MADD: variants seen among roughly 807,000 people sequenced by gnomAD.
The protein encoded by MADD is MAP kinase activating death domain.
A neutral mutation model predicts 176.7 loss-of-function variants in MADD; 109 were observed. That is an observed-to-expected ratio of 0.62 (90% CI 0.53 to 0.72). The LOEUF (loss-of-function observed/expected upper bound fraction) is 0.72. Ranked by LOEUF, MADD falls within the 30% of genes least tolerant of loss-of-function variation. The pLI is 0.00. For synonymous variants in MADD, 771 were observed against 771.3 expected, an observed-to-expected ratio of 1.00 and a Z score of 0.01; for missense variants, 1,914 against 2,045.5, an observed-to-expected ratio of 0.94 and a Z score of 1.24.
chr11:47,324,798 G>T, intron 30 of MADD: 2 of 686,290 alleles, frequency 2.9e-6, no homozygotes, highest in South Asian at 3.1e-5. Flanking sequence ...CGTGGGGGAG[G>T]CTGGGCAGGA....
chr11:47,282,501 C>G (rs572470240), exon 9 of MADD: 1 of 1,614,204 alleles, frequency 6.2e-7, no homozygotes, highest in Non-Finnish European at 8.5e-7. Flanking sequence ...CCTTTCTAGC[C>G]TCACGTCCCC....
exon 13 of MADD, chr11:47,285,103 G>A (rs979807873): frequency 1.4e-5 from 23 of 1,613,936 alleles, no homozygotes; most frequent in East Asian, 6.7e-5. Context: ...TCCATACTTC[G>A]AGCCCCAATA....
At chr11:47,327,152 G>A (rs1565595936) in intron 31 of MADD, 1 of 1,047,850 alleles carries the variant, frequency 9.5e-7, no homozygotes, top group Non-Finnish European at 1.2e-6. Flanking sequence ...GCTCCACTAT[G>A]TCCATGTCAC....
chr11:47,277,824 A>G (rs1378290402), intron 5 of MADD, among the ~76,000 whole-genome samples: 2 of 152,234 alleles, frequency 1.3e-5, no homozygotes, highest in Non-Finnish European at 2.9e-5. Context: ...GCTTCTCAGA[A>G]CTATTGTCCT....
At chr11:47,328,095 C>T in intron 31 of MADD, 2 of 996,160 alleles carry the variant, frequency 2.0e-6, no homozygotes, top group Non-Finnish European at 2.4e-6. Context: ...TCCTGCCACT[C>T]AGGGAAGGAC....
At chr11:47,311,891 G>T in intron 26 of MADD, 49 bp downstream of exon 29, 1 of 1,259,180 alleles carries the variant, frequency 7.9e-7, no homozygotes, top group East Asian at 2.3e-5. Context: ...TCATTTCTTG[G>T]TTTGTGTCAC....
intron 20 of MADD, 70 bp downstream of exon 22, chr11:47,294,053 A>G (rs1446972161): frequency 7.7e-7 from 1 of 1,302,652 alleles, no homozygotes; most frequent in African/African-American, 1.5e-5. Flanking sequence ...TTAAGTTAAA[A>G]TAGAACAGTC....
intron 25 of MADD, 44 bp from the exon 29 acceptor site, chr11:47,311,688 A>G: frequency 2.5e-6 from 3 of 1,189,720 alleles, no homozygotes; most frequent in Non-Finnish European, 3.8e-6. Context: ...CTCAGTCGGG[A>G]GGAGAGCAGA....
At chr11:47,282,616 A>G (rs1213694878) in exon 9 of MADD, 3 of 1,613,914 alleles carry the variant, frequency 1.9e-6, no homozygotes, top group Admixed American at 1.7e-5. Flanking sequence ...AATTCACAAC[A>G]GTGAGTCTAC....
At chr11:47,303,591 T>C (rs188572175) in intron 22 of MADD, among the ~76,000 whole-genome samples, 41 of 145,142 alleles carry the variant, frequency 2.8e-4, no homozygotes, top group African/African-American at 1.0e-3. Flanking sequence ...TTGACTGTAA[T>C]GTACCTTGGA....
chr11:47,289,238 A>G (rs549604902), intron 15 of MADD, among the ~76,000 whole-genome samples, 153 bp from the exon 17 acceptor site: 3 of 152,188 alleles, frequency 2.0e-5, no homozygotes, highest in African/African-American at 7.2e-5. Flanking sequence ...CCACATTGCC[A>G]TGGCTGGTTT....
At chr11:47,328,317 T>G (rs992498008) in intron 31 of MADD, 2 of 1,205,094 alleles carry the variant, frequency 1.7e-6, no homozygotes, top group Non-Finnish European at 2.1e-6. Flanking sequence ...CTGCAGCTCC[T>G]CAGGGGCCCT....
At chr11:47,292,681 A>C in intron 19 of MADD, 85 bp downstream of exon 21, 1 of 1,339,498 alleles carries the variant, frequency 7.5e-7, no homozygotes, top group Non-Finnish European at 1.1e-6. Flanking sequence ...TCCCTTTGTC[A>C]GCCCCACCCC....
exon 30 of MADD, chr11:47,324,542 C>T: frequency 6.2e-7 from 1 of 1,613,982 alleles, no homozygotes; most frequent in Non-Finnish European, 8.5e-7. Flanking sequence ...GCAGGTGACC[C>T]TGGAAGGGAT....
chr11:47,290,224 GC>G lies in MADD; in HGVS notation c.3022del (p.His1008ThrfsTer37). ...AGTCCTCAGCTTGGAGCAGTCCTAT[GC>G]CCACGCGGGTCTGGGTGGCATGGCC... On this transcript the variant is annotated frameshift_variant, in exon 18 of 33. Transcript: ENST00000402192. LOFTEE classifies it high-confidence loss of function. 1 of 1,614,144 alleles carries G rather than the reference GC, an allele frequency of 6.2e-7. No homozygotes were observed. The highest frequency in any genetic ancestry group is 8.5e-7 in the Non-Finnish European group (1 of 1,180,022).
intron 22 of MADD, among the ~76,000 whole-genome samples, chr11:47,297,785 CTTTCT>C (rs2074104139): frequency 8.6e-6 from 1 of 116,710 alleles, no homozygotes; most frequent in Admixed American, 8.7e-5. Flanking sequence ...TTCTTTCTTT[CTTTCT>C]TTTTTTTTTT....
chr11:47,295,791 CTT>C (rs1178122778), intron 21 of MADD, 104 bp from the exon 24 acceptor site: 11 of 1,525,168 alleles, frequency 7.2e-6, no homozygotes, highest in Non-Finnish European at 9.6e-6. Context: ...ATCTGACACA[CTT>C]TTGAAATTTA....
At chr11:47,272,978 A>G (rs757157651) in intron 1 of MADD, among the ~76,000 whole-genome samples, 2 of 152,206 alleles carry the variant, frequency 1.3e-5, no homozygotes, top group African/African-American at 2.4e-5. Context: ...AGATTAGGCA[A>G]TTGGGGCATG....
At chr11:47,273,928 A>G in exon 2 of MADD, 2 of 1,614,116 alleles carry the variant, frequency 1.2e-6, no homozygotes, top group Non-Finnish European at 1.7e-6. Flanking sequence ...GTGCAAAAGA[A>G]GAAGTTCTGT....
Sources: gnomAD v4.1 joint callset for allele counts (sites outside exome capture counted in the v4.1 genomes callset) on GRCh38, gnomAD v4.1.1 for gene constraint, MANE v1.5 for transcripts, NCBI Gene and HGNC (gene_info 2026-07-23, HGNC 2026-07-21) for gene names.